SPATA22: variants seen among roughly 807,000 people sequenced by gnomAD.
The protein encoded by SPATA22 is spermatogenesis-associated protein 22.
In SPATA22, 29 loss-of-function variants were observed where a neutral mutation model predicts 47.8. The ratio of observed to expected loss-of-function variants is 0.61; its 90% CI spans 0.45 to 0.83. The LOEUF is 0.83. SPATA22 is among the 40% of genes least tolerant of loss of function. The pLI is 0.00. For missense variants in SPATA22, 410 were observed against 421.7 expected (o/e 0.97, Z 0.24); for synonymous variants, 133 against 140.9 (o/e 0.94, Z 0.40).
chr17:3,506,898 G>A (rs2074045151), intron 1 of SPATA22, among the ~76,000 whole-genome samples: 1 of 151,410 alleles, frequency 6.6e-6, no homozygotes, highest in Non-Finnish European at 1.5e-5. Flanking sequence ...CCGAGATCAT[G>A]CCATTGCACT....
At chr17:3,464,197 G>A (rs2073212475) in intron 3 of SPATA22, among the ~76,000 whole-genome samples, 1 of 152,078 alleles carries the variant, frequency 6.6e-6, no homozygotes, top group Admixed American at 6.5e-5. Context: ...GGCCGGGCTG[G>A]TCTCCAGCTC....
At chr17:3,477,943 G>A (rs1339042213) in intron 1 of SPATA22, among the ~76,000 whole-genome samples, 1 of 151,814 alleles carries the variant, frequency 6.6e-6, no homozygotes, top group Admixed American at 6.6e-5. Context: ...AACACTTTGG[G>A]AGGCTGAGGC....
chr17:3,489,886 TG>T (rs1567615014), intron 1 of SPATA22, among the ~76,000 whole-genome samples: 1 of 152,170 alleles, frequency 6.6e-6, no homozygotes, highest in Non-Finnish European at 1.5e-5. Context: ...ACAAGCAACA[TG>T]TTGTTTACAA....
At position 3,446,607 on chromosome 17, in the gene SPATA22, G is replaced by T. The variant is rs1243254289; in HGVS notation, c.673-6C>A. ...AACTGATACAATGAGGTTTCCTTTT[G>T]AAAAAATAAGAAACATAGTATTAGA... On this transcript the variant is annotated splice_polypyrimidine_tract_variant and splice_region_variant and intron_variant, in intron 6 of 8. Coordinates refer to ENST00000572969, the MANE Select transcript of SPATA22 (RefSeq NM_001170698.2). 1 of 1,507,274 alleles carries T rather than the reference G, an allele frequency of 6.6e-7. No homozygotes were observed. The highest frequency in any genetic ancestry group is 9.0e-7 in the Non-Finnish European group (1 of 1,116,748). 93.4% of individuals were successfully genotyped at this position (1,507,274 alleles called of 1,614,324 possible). A position where few individuals can be genotyped will look rare whatever the true frequency, so the allele number is the denominator to read the frequency against.
chr17:3,470,133 A>G (rs140797292), intron 1 of SPATA22, among the ~76,000 whole-genome samples: 1 of 144,418 alleles, frequency 6.9e-6, no homozygotes, highest in Non-Finnish European at 1.5e-5. Flanking sequence ...TCCTCCCTTC[A>G]TATCTAGAAT....
rs34414986 is a variant in SPATA22 at position 3,449,161 on chromosome 17, C to CAAA, written c.330-15_330-13dup. ...TACCATCTCTGTAGCTGTAATAGTG[C>CAAA]AAAAAAAAAGCATTTGTTTCTATAT... On this transcript the variant is annotated splice_polypyrimidine_tract_variant and intron_variant, in intron 5 of 8. Transcript: ENST00000572969. 5,953 of 1,425,232 alleles carry CAAA rather than the reference C, an allele frequency of 4.2e-3. 56 individuals carry two copies. In the African/African-American group the frequency reaches 0.046, roughly 11 times the overall value. 88.3% of individuals were successfully genotyped at this position (1,425,232 alleles called of 1,614,324 possible).
intron 3 of SPATA22, among the ~76,000 whole-genome samples, chr17:3,465,909 T>C (rs1357457263): frequency 6.6e-6 from 1 of 152,114 alleles, no homozygotes; most frequent in East Asian, 1.9e-4. Flanking sequence ...AGGACACACA[T>C]TTCCTTATGG....
At position 3,467,553 on chromosome 17, in the gene SPATA22, G is replaced by A; in HGVS notation, c.45C>T (p.Gly15=). 1 of 1,601,374 alleles carries A rather than the reference G, an allele frequency of 6.2e-7. No individual in the cohort carries two copies. The highest frequency in any genetic ancestry group is 1.3e-5 in the African/African-American group (1 of 74,692). Residue 15 remains glycine (G), a splice_region_variant and synonymous_variant, in exon 3 of 9, where the codon GGC becomes GGT. Transcript: ENST00000572969. Reference sequence around the variant, plus strand: ...GATTGAACAACGGAACAGGCAAACAGCCTAAATTGAATGTACCAATAAATT... The same window carrying A: ...GATTGAACAACGGAACAGGCAAACAACCTAAATTGAATGTACCAATAAATT... ...LNENSARSTA[G]CLPVPLFNQK... is the part of the protein sequence containing the mutation.
rs923985383 is a variant in SPATA22, at chr17:3,489,506, G to A, written c.-73-20108C>T. Among the ~76,000 whole-genome samples the A allele has an allele frequency of 3.6e-4, 55 of 152,132 alleles. 2 individuals carry two copies. Among genetic ancestry groups the A allele is most frequent in the Non-Finnish European group, 4.4e-5 (3 of 68,020 alleles). On this transcript the variant is annotated intron_variant, in intron 1 of 8. Coordinates refer to the SPATA22 transcript ENST00000541913. ...GCCAGGATAGACACATTCAAGAAAA[G>A]CAGCTGCCAAATAAAGACTCCACAT... is the stretch of plus-strand genomic sequence containing the variant.
intron 7 of SPATA22, among the ~76,000 whole-genome samples, chr17:3,444,959 A>G (rs908320817): frequency 6.6e-6 from 1 of 152,082 alleles, no homozygotes; most frequent in Non-Finnish European, 1.5e-5. Context: ...AAGAATGTCT[A>G]TTGGTGTTTA....
At chr17:3,446,027 A>C (rs927027808) in intron 7 of SPATA22, among the ~76,000 whole-genome samples, 3 of 152,082 alleles carry the variant, frequency 2.0e-5, no homozygotes, top group South Asian at 4.1e-4. Context: ...CAACTTCTCA[A>C]AGATGCCTGC....
intron 1 of SPATA22, chr17:3,481,900 A>T: frequency 8.7e-7 from 1 of 1,152,982 alleles, no homozygotes; most frequent in Non-Finnish European, 1.2e-6. Flanking sequence ...GGAAGGTGCA[A>T]GAGAAATGGG....
intron 5 of SPATA22, among the ~76,000 whole-genome samples, chr17:3,458,029 G>A (rs1187467467): frequency 6.6e-6 from 1 of 152,156 alleles, no homozygotes; most frequent in Non-Finnish European, 1.5e-5. Context: ...TCAACAGAGT[G>A]AAAAGGCAAT....
At chr17:3,502,810 C>T (rs2074006707) in intron 1 of SPATA22, 1 of 152,236 alleles carries the variant, frequency 6.6e-6, no homozygotes, top group Non-Finnish European at 1.5e-5. Flanking sequence ...GCTGTCACTT[C>T]TCATTTTGAA....
intron 3 of SPATA22, among the ~76,000 whole-genome samples, chr17:3,465,059 A>T (rs1180306854): frequency 6.8e-4 from 84 of 122,960 alleles, no homozygotes; most frequent in African/African-American, 9.1e-4. Context: ...CCCGTCCGGG[A>T]GGGAGGTGGG....
At chr17:3,470,902 C>T (rs1427458922) in intron 1 of SPATA22, among the ~76,000 whole-genome samples, 1 of 152,126 alleles carries the variant, frequency 6.6e-6, no homozygotes, top group African/African-American at 2.4e-5. Flanking sequence ...TGCCTGTGAT[C>T]CCAGCACTTC....
At position 3,446,541 on chromosome 17, in the gene SPATA22, C is replaced by A; in HGVS notation, c.733G>T (p.Ala245Ser). 1.2e-6 allele frequency: 2 copies of A among 1,607,162 alleles called. No homozygotes were observed. The highest frequency in any genetic ancestry group is 1.7e-6 in the Non-Finnish European group (2 of 1,176,264). The change falls in exon 7 of 9, where the codon GCA becomes TCA. Residue 245 changes from alanine (A) to serine (S), a missense_variant. Coordinates refer to ENST00000572969, the MANE Select transcript of SPATA22 (RefSeq NM_001170698.2). Reference protein sequence around the residue: ...EKASSLRIISAVIESMKYWRE... With the variant: ...EKASSLRIISSVIESMKYWRE... Reference sequence around the variant, plus strand: ...CAATACTTCATGCTTTCAATAACTGCAGAAATAATTCTTAAAGAACTAGCT... The same window carrying A: ...CAATACTTCATGCTTTCAATAACTGAAGAAATAATTCTTAAAGAACTAGCT...
chr17:3,473,940 C>T (rs1261255211), upstream of SPATA22: 11 of 152,202 alleles, frequency 7.2e-5, no homozygotes, highest in East Asian at 1.2e-3. Flanking sequence ...AGTGACAATT[C>T]GAAAGGGTTT....
chr17:3,463,470 T>C (rs1369274684), intron 3 of SPATA22, among the ~76,000 whole-genome samples: 1 of 152,020 alleles, frequency 6.6e-6, no homozygotes, highest in Non-Finnish European at 1.5e-5. Flanking sequence ...ATAGAAAAGG[T>C]ACAGTAAAAA....
Sources: gnomAD v4.1 joint callset for allele counts (sites outside exome capture counted in the v4.1 genomes callset) on GRCh38, gnomAD v4.1.1 for gene constraint, MANE v1.5 for transcripts, NCBI Gene and HGNC (gene_info 2026-07-23, HGNC 2026-07-21) for gene names.